The following HERC3 variants were observed in gnomAD, a reference collection of about 807,000 sequenced individuals.
The protein encoded by HERC3 is probable E3 ubiquitin-protein ligase HERC3.
HERC3 carries 58 observed loss-of-function variants against 129.9 expected under a neutral mutation model. The observed-to-expected ratio is 0.45, with a 90% CI of 0.36 to 0.56. The LOEUF is 0.56. HERC3 is among the 20% of genes least tolerant of loss of function. The pLI is 0.00. For synonymous variants in HERC3, 430 were observed against 451.0 expected (o/e 0.95, Z 0.59); for missense variants, 835 against 1,244.2 (o/e 0.67, Z 4.95).
chr4:88,656,353 C>T, intron 9 of HERC3: 2 of 249,472 alleles, frequency 8.0e-6, no homozygotes, highest in Non-Finnish European at 7.8e-6. Context: ...GAGCATGATG[C>T]AGCCATCTGC....
the HERC3 span, among the ~76,000 whole-genome samples, chr4:88,552,412 G>A: frequency 2.0e-5 from 3 of 152,104 alleles, no homozygotes; most frequent in South Asian, 4.1e-4. Context: ...GCCACCATGC[G>A]TGGCTAATTT....
chr4:88,631,321 G>T (rs917686017), intron 3 of HERC3, among the ~76,000 whole-genome samples: 1 of 152,132 alleles, frequency 6.6e-6, no homozygotes, highest in Admixed American at 6.5e-5. Context: ...CAGGCGTTGT[G>T]GTGTGTGCCT....
intron 3 of HERC3, among the ~76,000 whole-genome samples, chr4:88,607,467 T>C (rs953382875): frequency 6.6e-6 from 1 of 152,132 alleles, no homozygotes; most frequent in Non-Finnish European, 1.5e-5. Flanking sequence ...TCCACCTATT[T>C]TTACATTTTT....
chr4:88,690,393 T>C (rs1733953576), intron 23 of HERC3: 3 of 985,262 alleles, frequency 3.0e-6, no homozygotes, highest in South Asian at 4.7e-5. Context: ...TGTAGATGCG[T>C]GTGAGTACGT....
the HERC3 span, among the ~76,000 whole-genome samples, chr4:88,533,109 G>A: frequency 3.3e-5 from 5 of 152,196 alleles, no homozygotes; most frequent in African/African-American, 9.7e-5. Flanking sequence ...AATCCCTGGC[G>A]ATCCACTGAT....
At chr4:88,596,365 G>GTGAAC (rs1046539762) in intron 2 of HERC3, among the ~76,000 whole-genome samples, 4 of 152,188 alleles carry the variant, frequency 2.6e-5, no homozygotes, top group Non-Finnish European at 5.9e-5. Context: ...TTCTGTGTAA[G>GTGAAC]TGAACTGGTT....
At chr4:88,659,368 T>C (rs1201876347) in intron 10 of HERC3, among the ~76,000 whole-genome samples, 1 of 152,216 alleles carries the variant, frequency 6.6e-6, no homozygotes, top group Non-Finnish European at 1.5e-5. Context: ...TTGGAAACTT[T>C]CTCTATTAGT....
At chr4:88,558,071 C>CAAAAAAAAAAAAAAAAAAA in the HERC3 span, among the ~76,000 whole-genome samples, 13 of 39,150 alleles carry the variant, frequency 3.3e-4, no homozygotes, top group Admixed American at 6.3e-4. Flanking sequence ...GACTCTGACT[C>CAAAAAAAAAAAAAAAAAAA]AAAAAAAAAA....
chr4:88,613,560 G>A (rs1323805488), intron 3 of HERC3, among the ~76,000 whole-genome samples: 2 of 152,184 alleles, frequency 1.3e-5, no homozygotes. Context: ...TTGCTCTCGG[G>A]CATCTGAAGG....
chr4:88,646,805 G>A (rs1453837010), intron 3 of HERC3, among the ~76,000 whole-genome samples: 1 of 152,168 alleles, frequency 6.6e-6, no homozygotes, highest in Non-Finnish European at 1.5e-5. Context: ...TGAATTAGAC[G>A]AGCGCAGTTT....
upstream of HERC3, among the ~76,000 whole-genome samples, chr4:88,591,948 G>A (rs1339541483): frequency 6.6e-6 from 1 of 151,848 alleles, no homozygotes; most frequent in Non-Finnish European, 1.5e-5. Context: ...CGGCTGCCGC[G>A]TACCTCCTTC....
chr4:88,640,670 G>A (rs1423696748), intron 3 of HERC3, among the ~76,000 whole-genome samples: 1 of 151,464 alleles, frequency 6.6e-6, no homozygotes, highest in Non-Finnish European at 1.5e-5. Context: ...AACCACCATG[G>A]CACATGTATA....
upstream of HERC3, among the ~76,000 whole-genome samples, chr4:88,588,511 C>T (rs920526519): frequency 2.0e-5 from 3 of 152,208 alleles, no homozygotes; most frequent in African/African-American, 7.2e-5. Context: ...ACAAGGTACA[C>T]ATACTTTTTA....
At chr4:88,541,085 C>G in the HERC3 span, among the ~76,000 whole-genome samples, 2 of 152,312 alleles carry the variant, frequency 1.3e-5, no homozygotes, top group African/African-American at 4.8e-5. Flanking sequence ...CAAATTCACA[C>G]ATAACAATAT....
chr4:88,658,600 C>A, intron 10 of HERC3, 109 bp downstream of exon 10: 1 of 545,866 alleles, frequency 1.8e-6, no homozygotes, highest in Non-Finnish European at 3.2e-6. Flanking sequence ...TTGTTTCTAC[C>A]AATCCTATGT....
intron 16 of HERC3, among the ~76,000 whole-genome samples, chr4:88,672,893 CAT>C (rs1418671326): frequency 2.0e-5 from 3 of 152,056 alleles, no homozygotes; most frequent in Non-Finnish European, 2.9e-5. Flanking sequence ...ACAGTGGAAA[CAT>C]GTATGGATAT....
At chr4:88,670,630 A>G (rs193146538) in intron 16 of HERC3, among the ~76,000 whole-genome samples, 26 of 151,478 alleles carry the variant, frequency 1.7e-4, no homozygotes, top group Middle Eastern at 3.4e-3. Context: ...TGGAGATCCA[A>G]TTGTACACCA....
chr4:88,625,346 AT>A lies in HERC3; in HGVS notation c.226+19301del, dbSNP rs566019688. ...ATGAACATGGTGTGTCTCTCTCTAT[AT>A]TTTAGGTCTTCTTTAATTTTTCTCA... On this transcript the variant is annotated intron_variant, in intron 3 of 25. Transcript: ENST00000402738. Among the ~76,000 whole-genome samples, 92 of 152,114 alleles carry A rather than the reference AT, an allele frequency of 6.0e-4. 1 individual carries two copies. The highest frequency in any genetic ancestry group is 1.0e-3 in the Non-Finnish European group (70 of 67,978).
chr4:88,687,549 C>T (rs1026144612), intron 23 of HERC3, among the ~76,000 whole-genome samples: 4 of 152,136 alleles, frequency 2.6e-5, no homozygotes, highest in Admixed American at 6.5e-5. Flanking sequence ...GAGCAAGTTA[C>T]GTAAACTGGT....
Sources: gnomAD v4.1 joint callset for allele counts (sites outside exome capture counted in the v4.1 genomes callset) on GRCh38, gnomAD v4.1.1 for gene constraint, MANE v1.5 for transcripts, NCBI Gene and HGNC (gene_info 2026-07-23, HGNC 2026-07-21) for gene names.